The following ATP7B variants were observed in gnomAD, a reference collection of about 807,000 sequenced individuals.
ATP7B encodes ATPase copper transporting beta.
In ATP7B, 113 loss-of-function variants were observed where a neutral mutation model predicts 118.9. That is an observed-to-expected ratio of 0.95 (90% CI 0.82 to 1.11). The LOEUF is 1.11. ATP7B is among the 50% of genes most tolerant of loss of function. The pLI is 0.00. For missense variants in ATP7B, 1,867 were observed against 1,871.4 expected, an observed-to-expected ratio of 1.00 and a Z score of 0.04; for synonymous variants, 777 against 727.4, an observed-to-expected ratio of 1.07 and a Z score of -1.10.
chr13:51,941,037 CTG>C (rs1957298433), intron 16 of ATP7B, 42 bp downstream of exon 16: 1 of 1,613,000 alleles, frequency 6.2e-7, no homozygotes, highest in Non-Finnish European at 8.5e-7. Context: ...CTGCAGAAAA[CTG>C]TATTTCTGAG....
Position 51,974,660 on chromosome 13 carries a change from T to A in ATP7B, c.560A>T (p.Tyr187Phe). The A allele has an allele frequency of 6.2e-7, 1 of 1,611,562 alleles. No homozygotes were observed. The highest frequency in any genetic ancestry group is 8.5e-7 in the Non-Finnish European group (1 of 1,177,992). Residue 187 changes from tyrosine to phenylalanine, a missense_variant, in exon 2 of 21, where the codon TAT becomes TTT. Physicochemically the swap from Tyr to Phe is conservative, Grantham distance 22. Coordinates refer to ENST00000242839, the MANE Select transcript of ATP7B (RefSeq NM_000053.4). Reference sequence around the variant, plus strand: ...TTCGGGCTGAATGAGATAAGGCTGATAAGTGATGACGGCCTCTTGGTTGCT... The same window carrying A: ...TTCGGGCTGAATGAGATAAGGCTGAAAAGTGATGACGGCCTCTTGGTTGCT... ...SLSNQEAVITYQPYLIQPEDL... is the reference protein window; with the variant it reads ...SLSNQEAVITFQPYLIQPEDL...
intron 1 of ATP7B, among the ~76,000 whole-genome samples, chr13:51,985,960 T>C (rs1168380770): frequency 1.3e-5 from 2 of 152,038 alleles, no homozygotes; most frequent in Non-Finnish European, 2.9e-5. Flanking sequence ...AAAAGAAAGC[T>C]GGAAAGCTCT....
intron 16 of ATP7B, among the ~76,000 whole-genome samples, chr13:51,939,563 C>T (rs1053592113): frequency 3.9e-5 from 6 of 152,200 alleles, no homozygotes; most frequent in Admixed American, 1.3e-4. Context: ...AGAGACATAA[C>T]AGATATCACT....
intron 1 of ATP7B, among the ~76,000 whole-genome samples, chr13:51,991,512 A>C (rs1952913499): frequency 6.6e-6 from 1 of 152,236 alleles, no homozygotes; most frequent in Admixed American, 6.5e-5. Context: ...AACAAACAAA[A>C]AAAAACAGCA....
At chr13:51,982,311 G>T (rs1213583415) in intron 1 of ATP7B, among the ~76,000 whole-genome samples, 3 of 152,068 alleles carry the variant, frequency 2.0e-5, no homozygotes, top group African/African-American at 4.8e-5. Flanking sequence ...TTTCTTGAGG[G>T]TATGTCTGAG....
In ATP7B at chr13:51,942,371, A is replaced by G. The variant is rs565888819; in HGVS notation, c.3412+15T>C. 3 of 1,613,880 alleles carry G rather than the reference A, an allele frequency of 1.9e-6. No individual in the cohort carries two copies. The highest frequency in any genetic ancestry group is 2.7e-5 in the African/African-American group (2 of 75,046). Reference sequence around the variant, plus strand: ...TCTACTTTTAACCAGCTGCAGAGACAAAAGCCAGCAATACCTTTTTCTGCG... The same window carrying G: ...TCTACTTTTAACCAGCTGCAGAGACGAAAGCCAGCAATACCTTTTTCTGCG... On this transcript the variant is annotated intron_variant, in intron 15 of 20. Coordinates refer to ENST00000242839, the MANE Select transcript of ATP7B (RefSeq NM_000053.4).
chr13:51,972,280 C>T (rs972144390), intron 2 of ATP7B, among the ~76,000 whole-genome samples: 2 of 152,192 alleles, frequency 1.3e-5, no homozygotes, highest in African/African-American at 2.4e-5. Context: ...AGTTAACCCG[C>T]GAAGATACGA....
At position 51,949,923 on chromosome 13, in the gene ATP7B, A is replaced by G. The variant is rs577348540; in HGVS notation, c.2730+84T>C. On this transcript the variant is annotated intron_variant, in intron 11 of 20. Coordinates refer to ENST00000242839, the MANE Select transcript of ATP7B (RefSeq NM_000053.4). ...ACATTTACTAATCAATCTCTACTCA[A>G]TAAAACTGTCTGATTTCCCAGAACT... 30 of 1,611,458 alleles carry G rather than the reference A, an allele frequency of 1.9e-5. 1 individual carries two copies. In the South Asian group the frequency reaches 2.7e-4, roughly 15 times the overall value.
At chr13:51,987,683 CA>C (rs1204291845) in intron 1 of ATP7B, among the ~76,000 whole-genome samples, 2 of 152,156 alleles carry the variant, frequency 1.3e-5, no homozygotes, top group Non-Finnish European at 1.5e-5. Context: ...CTATAGTAAC[CA>C]AAACAGCATG....
At chr13:51,956,677 T>C (rs573670220) in intron 9 of ATP7B, among the ~76,000 whole-genome samples, 2 of 152,124 alleles carry the variant, frequency 1.3e-5, no homozygotes, top group African/African-American at 4.8e-5. Context: ...CACAGGCTAA[T>C]AGAAAATGTG....
Position 51,937,365 on chromosome 13 carries a change from ATGCT to A in ATP7B, c.3928_3931del (p.Ser1310PhefsTer19). The A allele has an allele frequency of 6.2e-7, 1 of 1,614,228 alleles. No individual in the cohort carries two copies. The highest frequency in any genetic ancestry group is 8.5e-7 in the Non-Finnish European group (1 of 1,180,044). On this transcript the variant is annotated frameshift_variant, in exon 19 of 21. Transcript: ENST00000242839. LOFTEE classifies it high-confidence loss of function. ...TCGGACAGTCCTCTTGGAAAGGTGA[ATGCT>A]AGCCACCACATCCAGCAAATCATTC...
chr13:51,993,426 G>T (rs1359941578), intron 1 of ATP7B, among the ~76,000 whole-genome samples: 2 of 152,070 alleles, frequency 1.3e-5, no homozygotes, highest in Non-Finnish European at 2.9e-5. Context: ...AACTGGAAAT[G>T]GTGGCATGCA....
chr13:51,956,314 C>G (rs1365405741), intron 9 of ATP7B, among the ~76,000 whole-genome samples: 3 of 152,250 alleles, frequency 2.0e-5, no homozygotes, highest in Non-Finnish European at 2.9e-5. Flanking sequence ...AGCAAGGGGT[C>G]TGTCTCAGCC....
chr13:51,968,556 T>C lies in ATP7B; in HGVS notation c.1595A>G (p.Tyr532Cys), dbSNP rs375071383. ...ALMAGKAEIK[Y>C]DPEVIQPLEI... Reference sequence around the variant, plus strand: ...GAGGGGCTGGATGACCTCTGGGTCATACTTGATCTCTGCCTTTCCTGCCAT... The same window carrying C: ...GAGGGGCTGGATGACCTCTGGGTCACACTTGATCTCTGCCTTTCCTGCCAT... The change falls in exon 4 of 21, where the codon TAT becomes TGT. Residue 532 changes from tyrosine (Y) to cysteine (C), a missense_variant. Tyr to Cys is a radical substitution (Grantham distance 194, BLOSUM62 -2). Transcript: ENST00000242839. 4.3e-6 allele frequency: 7 copies of C among 1,614,206 alleles called. No individual in the cohort carries two copies. Among genetic ancestry groups the C allele is most frequent in the Non-Finnish European group, 5.9e-6 (7 of 1,180,042 alleles).
At chr13:51,991,321 C>T (rs1952897614) in intron 1 of ATP7B, among the ~76,000 whole-genome samples, 1 of 151,914 alleles carries the variant, frequency 6.6e-6, no homozygotes, top group African/African-American at 2.4e-5. Context: ...ATACAGGATA[C>T]GATGACAAAT....
At chr13:51,996,476 A>G (rs1953214344) in intron 1 of ATP7B, among the ~76,000 whole-genome samples, 1 of 152,126 alleles carries the variant, frequency 6.6e-6, no homozygotes, top group Non-Finnish European at 1.5e-5. Context: ...TTCCAGCCAT[A>G]CCTCCTGCTG....
intron 4 of ATP7B, chr13:51,967,096 G>C: frequency 6.3e-7 from 1 of 1,596,912 alleles, no homozygotes; most frequent in East Asian, 2.2e-5. Flanking sequence ...ATTAGTGGTG[G>C]AGTGTGTCAT....
At chr13:51,953,600 G>T (rs956081573) in intron 9 of ATP7B, among the ~76,000 whole-genome samples, 1 of 152,100 alleles carries the variant, frequency 6.6e-6, no homozygotes, top group African/African-American at 2.4e-5. Flanking sequence ...AATCTCAATA[G>T]CATGTATTCT....
At chr13:51,996,371 C>G (rs980304429) in intron 1 of ATP7B, among the ~76,000 whole-genome samples, 4 of 152,130 alleles carry the variant, frequency 2.6e-5, no homozygotes, top group Non-Finnish European at 5.9e-5. Flanking sequence ...CCTGCTCTGT[C>G]GGGCAGCGCT....
Sources: gnomAD v4.1 joint callset for allele counts (sites outside exome capture counted in the v4.1 genomes callset) on GRCh38, gnomAD v4.1.1 for gene constraint, MANE v1.5 for transcripts, NCBI Gene and HGNC (gene_info 2026-07-23, HGNC 2026-07-21) for gene names.